The following RABL2A variants were observed in gnomAD, a reference collection of about 807,000 sequenced individuals.
RABL2A encodes rab-like protein 2A.
A neutral mutation model predicts 30.7 loss-of-function variants in RABL2A; 17 were observed. The ratio of observed to expected loss-of-function variants is 0.55; its 90% CI spans 0.38 to 0.83. The LOEUF is 0.83. Among genes scored for constraint, RABL2A ranks in the 40% least tolerant of loss-of-function variants. The pLI, the probability that RABL2A is intolerant of heterozygous loss-of-function variation, is 0.00. For synonymous variants in RABL2A, 64 were observed against 101.8 expected, an observed-to-expected ratio of 0.63 and a Z score of 2.24; for missense variants, 155 against 272.6, an observed-to-expected ratio of 0.57 and a Z score of 3.04.
At chr2:113,638,417 C>T (rs1683771273) in intron 5 of RABL2A, 4 of 985,348 alleles carry the variant, frequency 4.1e-6, no homozygotes, top group Non-Finnish European at 4.8e-6. Context: ...TAACTTTAAT[C>T]CACTGACTGT....
chr2:113,638,544 G>C, intron 5 of RABL2A: 2 of 985,338 alleles, frequency 2.0e-6, no homozygotes, highest in South Asian at 9.4e-5. Flanking sequence ...CTGGTTTGCA[G>C]TGCTCATCCT....
At chr2:113,627,568 T>A (rs1253774982) in intron 1 of RABL2A, among the ~76,000 whole-genome samples, 168 bp downstream of exon 1, 2 of 151,988 alleles carry the variant, frequency 1.3e-5, no homozygotes, top group African/African-American at 4.8e-5. Context: ...TGCCTGGACA[T>A]GGTTGGTGGC....
chr2:113,628,184 C>A (rs1460324984), intron 1 of RABL2A: 2 of 261,612 alleles, frequency 7.6e-6, no homozygotes, highest in Non-Finnish European at 1.5e-5. Flanking sequence ...TCTATGTGCC[C>A]CCCTAGCTAA....
chr2:113,636,611 ATCTC>A (rs1342513985), intron 5 of RABL2A, among the ~76,000 whole-genome samples: 1 of 152,124 alleles, frequency 6.6e-6, no homozygotes, highest in Admixed American at 6.5e-5. Context: ...AACAGATGGC[ATCTC>A]TCAGTGGGGA....
At position 113,634,404 on chromosome 2, in the gene RABL2A, G is replaced by A. The variant is rs570343512; in HGVS notation, c.217+172G>A. 195 of 805,806 alleles carry A rather than the reference G, an allele frequency of 2.4e-4. 1 individual carries two copies. In the East Asian group the frequency reaches 5.4e-3, roughly 22 times the overall value. 49.9% of individuals were successfully genotyped at this position (805,806 alleles called of 1,614,324 possible). ...AGAGCCAGGAGCCAGGAGGGTGGAA[G>A]GGGGCACGCAGGGGCCAAGTCCCAG... is the stretch of plus-strand genomic sequence containing the variant. On this transcript the variant is annotated intron_variant, in intron 4 of 8. Transcript: ENST00000683472.
chr2:113,642,187 C>T lies in RABL2A; in HGVS notation c.*58C>T. On this transcript the variant is annotated 3_prime_UTR_variant, in exon 9 of 9. Transcript: ENST00000683472. ...TAAAATACCCTTCCCTTCAACAACT[C>T]TCCAGCTCTGAATGGAGAAACTCTC... 2.0e-6 allele frequency: 3 copies of T among 1,512,246 alleles called. No individual in the cohort carries two copies. The highest frequency in any genetic ancestry group is 2.6e-6 in the Non-Finnish European group (3 of 1,134,602). 93.7% of individuals were successfully genotyped at this position (1,512,246 alleles called of 1,614,324 possible).
intron 5 of RABL2A, among the ~76,000 whole-genome samples, chr2:113,639,132 A>G (rs1030502555): frequency 6.6e-6 from 1 of 150,528 alleles, no homozygotes; most frequent in Admixed American, 6.6e-5. Context: ...CAAAAAATAA[A>G]CAAAATTAGC....
chr2:113,629,957 C>T (rs1465232015), intron 2 of RABL2A, among the ~76,000 whole-genome samples: 1 of 152,176 alleles, frequency 6.6e-6, no homozygotes, highest in African/African-American at 2.4e-5. Flanking sequence ...CCTTTATCCC[C>T]ACTCAAGTTT....
intron 5 of RABL2A, among the ~76,000 whole-genome samples, chr2:113,636,596 G>A (rs1682815643): frequency 1.3e-5 from 2 of 152,222 alleles, no homozygotes; most frequent in South Asian, 2.1e-4. Context: ...GTCACAGAGG[G>A]AAGAAACAGA....
At chr2:113,639,010 C>G (rs1684042685) in intron 5 of RABL2A, among the ~76,000 whole-genome samples, 1 of 152,216 alleles carries the variant, frequency 6.6e-6, no homozygotes. Flanking sequence ...AGGCCGGGCA[C>G]AGTGGCTTAT....
intron 3 of RABL2A, 114 bp from the exon 4 acceptor site, chr2:113,634,039 T>C: frequency 6.9e-7 from 1 of 1,452,950 alleles, no homozygotes; most frequent in Non-Finnish European, 9.3e-7. Context: ...AAAATCTCAA[T>C]AACTCCAAAG....
rs1286410311 is a variant in RABL2A, at chr2:113,639,751, G to T, written c.298-1143G>T. Among the ~76,000 whole-genome samples the T allele has an allele frequency of 2.0e-5, 3 of 152,168 alleles. No individual in the cohort carries two copies. The East Asian group carries it at 5.8e-4, about 29-fold the overall frequency. ...CACACCTGTAGTCCCAGCTACTGAG[G>T]AGGCTGAGACAAGAGAATCACTTGA... On this transcript the variant is annotated intron_variant, in intron 5 of 8. Transcript: ENST00000683472.
At chr2:113,627,640 C>T (rs1678586139) in intron 1 of RABL2A, among the ~76,000 whole-genome samples, 1 of 152,240 alleles carries the variant, frequency 6.6e-6, no homozygotes, top group Admixed American at 6.5e-5. Context: ...ACAAGCAAGT[C>T]TTCGCCCGTA....
At chr2:113,629,485 C>A (rs927629470) in intron 2 of RABL2A, among the ~76,000 whole-genome samples, 5 of 151,870 alleles carry the variant, frequency 3.3e-5, no homozygotes, top group Non-Finnish European at 5.9e-5. Context: ...CTGTCTCTCT[C>A]TCTCTCTCTC....
chr2:113,633,129 C>A (rs1164322610), intron 3 of RABL2A, 185 bp downstream of exon 3: 3 of 812,064 alleles, frequency 3.7e-6, no homozygotes. Context: ...ATTGCACAAT[C>A]AGTGCTGTAT....
chr2:113,637,659 C>A, intron 5 of RABL2A: 3 of 1,278,982 alleles, frequency 2.3e-6, no homozygotes, highest in Non-Finnish European at 3.1e-6. Flanking sequence ...AGGTACTAAA[C>A]AAGAGGATAA....
chr2:113,637,756 C>A, intron 5 of RABL2A: 2 of 1,264,650 alleles, frequency 1.6e-6, no homozygotes, highest in Non-Finnish European at 2.1e-6. Flanking sequence ...TGGTTTCAGG[C>A]CTACAGTGGC....
intron 5 of RABL2A, chr2:113,638,301 G>C (rs923332518): frequency 4.1e-6 from 4 of 985,436 alleles, no homozygotes; most frequent in Non-Finnish European, 4.8e-6. Context: ...CCACCACACA[G>C]GGCGAGCCCC....
At chr2:113,639,072 C>A (rs1211104610) in intron 5 of RABL2A, among the ~76,000 whole-genome samples, 1 of 152,000 alleles carries the variant, frequency 6.6e-6, no homozygotes, top group African/African-American at 2.4e-5. Context: ...CACTTGAGCC[C>A]GGGAGTCCAA....
Sources: allele counts gnomAD v4.1 joint callset (sites outside exome capture counted in the v4.1 genomes callset), GRCh38; gene constraint gnomAD v4.1.1; transcripts MANE v1.5; gene names NCBI Gene and HGNC (gene_info 2026-07-23, HGNC 2026-07-21).